ZFHX4: variants seen among roughly 807,000 people sequenced by gnomAD.
ZFHX4 encodes the protein zinc finger homeobox 4.
A neutral mutation model predicts 267.6 loss-of-function variants in ZFHX4; 56 were observed. That is an observed-to-expected ratio of 0.21 (90% CI 0.17 to 0.26). The LOEUF (loss-of-function observed/expected upper bound fraction) is 0.26. Ranked by LOEUF, ZFHX4 falls within the 10% of genes least tolerant of loss-of-function variation. The pLI, the probability that ZFHX4 is intolerant of heterozygous loss-of-function variation, is 1.00. For missense variants in ZFHX4, 4,332 were observed against 4,420.0 expected, an observed-to-expected ratio of 0.98 and a Z score of 0.56; for synonymous variants, 1,778 against 1,665.6, an observed-to-expected ratio of 1.07 and a Z score of -1.64.
chr8:76,855,149 C>T lies in ZFHX4; in HGVS notation c.8228C>T (p.Ser2743Leu), dbSNP rs1220733163. ...PSLPLTKIDL[S>L]SENELASTVS... ...TTGCCATTAACTAAAATTGATCTAT[C>T]AAGTGAGAATGAATTGGCTTCTACA... The change falls in exon 10 of 11, where the codon TCA (serine) becomes TTA (leucine). Residue 2743 changes from serine (S) to leucine (L), a missense_variant. Transcript: ENST00000651372. 1 of 1,613,490 alleles carries T rather than the reference C, an allele frequency of 6.2e-7. No homozygotes were observed. The highest frequency in any genetic ancestry group is 8.5e-7 in the Non-Finnish European group (1 of 1,179,754).
chr8:76,855,085 G>A lies in ZFHX4; in HGVS notation c.8164G>A (p.Glu2722Lys), dbSNP rs1812675925. 5 of 1,613,732 alleles carry A rather than the reference G, an allele frequency of 3.1e-6. No homozygotes were observed. Among genetic ancestry groups the A allele is most frequent in the African/African-American group, 2.7e-5 (2 of 74,926 alleles). ...SPLISTEDGG[E>K]SPQKYIYFDY... ...TTTAATATCCACCGAAGATGGGGGAGAAAGCCCACAGAAATACATCTATTT... is the reference window on the plus strand; with the variant it reads ...TTTAATATCCACCGAAGATGGGGGAAAAAGCCCACAGAAATACATCTATTT... The change falls in exon 10 of 11, where the codon GAA becomes AAA. Residue 2722 changes from glutamate (E) to lysine (K), a missense_variant. Glu to Lys is a moderately conservative substitution (Grantham distance 56, BLOSUM62 1). This residue lies in a region of ZFHX4 where 1,648 missense variants were observed against 1,625.0 expected (regional missense o/e 1.01). Coordinates refer to ENST00000651372, the MANE Select transcript of ZFHX4 (RefSeq NM_024721.5).
chr8:76,846,367 T>C (rs1812364217), intron 6 of ZFHX4, among the ~76,000 whole-genome samples: 1 of 152,114 alleles, frequency 6.6e-6, no homozygotes, highest in Non-Finnish European at 1.5e-5. Flanking sequence ...CTTTTATTTA[T>C]AACTTCTTGG....
intron 3 of ZFHX4, among the ~76,000 whole-genome samples, chr8:76,717,809 C>G (rs1287522515): frequency 6.6e-6 from 1 of 152,036 alleles, no homozygotes; most frequent in Non-Finnish European, 1.5e-5. Context: ...GTTGCCCAGG[C>G]AGGTCTCGAA....
At chr8:76,796,093 T>C (rs1382073388) in intron 4 of ZFHX4, among the ~76,000 whole-genome samples, 2 of 152,136 alleles carry the variant, frequency 1.3e-5, no homozygotes, top group African/African-American at 4.8e-5. Flanking sequence ...GGTTGTGGAA[T>C]TGCCAAAGTC....
rs1316823304 is a variant in ZFHX4 at position 76,797,914 on chromosome 8, GTGTGTC to G, written c.3325+19481_3325+19486del. Among the ~76,000 whole-genome samples the G allele has an allele frequency of 2.7e-3, 406 of 151,174 alleles. 2 individuals carry two copies. Among genetic ancestry groups the G allele is most frequent in the African/African-American group, 9.5e-3 (390 of 40,872 alleles). On this transcript the variant is annotated intron_variant, in intron 4 of 10. Transcript: ENST00000651372. The stretch of plus-strand genomic sequence containing the variant: ...TGTGTGTGTGTGTGTGTGTGTGTGT[GTGTGTC>G]TGTGTGTCTGTGTGTATGTGTGTGT...
intron 3 of ZFHX4, among the ~76,000 whole-genome samples, chr8:76,736,435 AT>A: frequency 6.6e-6 from 1 of 152,256 alleles, no homozygotes; most frequent in East Asian, 1.9e-4. Context: ...ATGGACAAGA[AT>A]GTCTTCTAAA....
At chr8:76,723,125 A>C (rs1808767594) in intron 3 of ZFHX4, among the ~76,000 whole-genome samples, 1 of 152,082 alleles carries the variant, frequency 6.6e-6, no homozygotes, top group Admixed American at 6.6e-5. Context: ...ACTTTTAAAT[A>C]CCAGTTTTCA....
chr8:76,747,482 G>A (rs1177401284), intron 3 of ZFHX4, among the ~76,000 whole-genome samples: 1 of 152,118 alleles, frequency 6.6e-6, no homozygotes. Flanking sequence ...GTGTCCACGT[G>A]TTCTCAAGTT....
rs1810549133 is a variant in ZFHX4, at chr8:76,781,576, G to A, written c.3325+3137G>A. The stretch of plus-strand genomic sequence containing the variant: ...ATTTGATTTTGTTGGCATTGTGGAT[G>A]CATAATTTGGGTGGAAGATTTTTTG... On this transcript the variant is annotated intron_variant, in intron 4 of 10. Coordinates refer to ENST00000651372, the MANE Select transcript of ZFHX4 (RefSeq NM_024721.5). Among the ~76,000 whole-genome samples, 3 of 152,186 alleles carry A rather than the reference G, an allele frequency of 2.0e-5. No homozygotes were observed. The East Asian group carries it at 5.8e-4, about 29-fold the overall frequency.
In ZFHX4 at chr8:76,853,083, T is replaced by TCCCCCCCCCCC. The variant is rs778531712; in HGVS notation, c.6170_6171insCCCCCCCCCCC (p.Pro2061HisfsTer26). 1 of 306,332 alleles carries TCCCCCCCCCCC rather than the reference T, an allele frequency of 3.3e-6. No individual in the cohort carries two copies. Among genetic ancestry groups the TCCCCCCCCCCC allele is most frequent in the Non-Finnish European group, 5.7e-6 (1 of 176,662 alleles). The allele number at this position is 306,332 out of a possible 1,614,324, so 19.0% of individuals were successfully genotyped here. A position where few individuals can be genotyped will look rare whatever the true frequency, so the allele number is the denominator to read the frequency against. On this transcript the variant is annotated frameshift_variant, in exon 10 of 11. Coordinates refer to ENST00000651372, the MANE Select transcript of ZFHX4 (RefSeq NM_024721.5). LOFTEE classifies it high-confidence loss of function. ...CACCACCTCCTCCTCCTCCTCCTCC[T>TCCCCCCCCCCC]CCCCCCCCACCTCCTCCACCTTCTG...
chr8:76,861,838 C>G (rs1812876872), intron 10 of ZFHX4, among the ~76,000 whole-genome samples: 1 of 151,348 alleles, frequency 6.6e-6, no homozygotes, highest in African/African-American at 2.4e-5. Flanking sequence ...CAAGATGGCT[C>G]TATGAAGTCT....
chr8:76,717,702 T>C (rs1205212255), intron 3 of ZFHX4, among the ~76,000 whole-genome samples: 2 of 152,074 alleles, frequency 1.3e-5, no homozygotes. Flanking sequence ...GCTCAGGCAA[T>C]TCCCCTACCT....
At chr8:76,846,598 T>A (rs925546648) in intron 6 of ZFHX4, among the ~76,000 whole-genome samples, 2 of 152,038 alleles carry the variant, frequency 1.3e-5, no homozygotes, top group Non-Finnish European at 2.9e-5. Flanking sequence ...ATATTTTTGA[T>A]GAATATTAAT....
At chr8:76,764,242 C>T (rs1809994754) in intron 3 of ZFHX4, among the ~76,000 whole-genome samples, 1 of 152,096 alleles carries the variant, frequency 6.6e-6, no homozygotes, top group African/African-American at 2.4e-5. Context: ...GGAGAGATGA[C>T]TAATTGAGAT....
chr8:76,725,391 G>C (rs1172923793), intron 3 of ZFHX4, among the ~76,000 whole-genome samples: 1 of 152,066 alleles, frequency 6.6e-6, no homozygotes. Context: ...CTGGCCACAA[G>C]AGCTACGTTT....
intron 4 of ZFHX4, among the ~76,000 whole-genome samples, chr8:76,824,787 G>A (rs1196041480): frequency 1.4e-4 from 21 of 152,014 alleles, no homozygotes; most frequent in Non-Finnish European, 2.8e-4. Flanking sequence ...TTGCCAGGCT[G>A]CTCTCGAACT....
chr8:76,727,054 T>G (rs1240491659), intron 3 of ZFHX4, among the ~76,000 whole-genome samples: 2 of 152,162 alleles, frequency 1.3e-5, no homozygotes, highest in Admixed American at 1.3e-4. Flanking sequence ...TCTGGAAGAT[T>G]ACATTTTTAC....
rs146441632 is a variant in ZFHX4, at chr8:76,863,563, G to A, written c.9849G>A (p.Gln3283=). Residue 3283 remains glutamine, a synonymous_variant, in exon 11 of 11, where the codon CAG becomes CAA. Coordinates refer to ENST00000651372, the MANE Select transcript of ZFHX4 (RefSeq NM_024721.5). ...YFTPQLPGTV[Q]GGYFPPVCGM... ...CACCTCAGCTCCCTGGAACAGTGCA[G>A]GGGGGATACTTCCCACCTGTCTGTG... 4.5e-4 allele frequency: 727 copies of A among 1,613,738 alleles called. 6 individuals are homozygous for A. The African/African-American group carries it at 7.6e-3, about 17-fold the overall frequency.
At chr8:76,837,286 A>G (rs1365247450) in intron 5 of ZFHX4, among the ~76,000 whole-genome samples, 1 of 152,162 alleles carries the variant, frequency 6.6e-6, no homozygotes, top group Non-Finnish European at 1.5e-5. Context: ...CTGGTGCAAT[A>G]AAATCCAAAG....
Sources: allele counts gnomAD v4.1 joint callset (sites outside exome capture counted in the v4.1 genomes callset), GRCh38; gene constraint gnomAD v4.1.1; regional missense constraint gnomAD v4.1.1; transcripts MANE v1.5; gene names NCBI Gene and HGNC (gene_info 2026-07-23, HGNC 2026-07-21).